The following COL6A3 variants were observed in gnomAD, a reference collection of about 807,000 sequenced individuals.
COL6A3 encodes the protein collagen alpha-3(VI) chain.
A neutral mutation model predicts 274.1 loss-of-function variants in COL6A3; 137 were observed. The observed-to-expected ratio is 0.50, with a 90% CI of 0.44 to 0.58. The LOEUF is 0.58. Ranked by LOEUF, COL6A3 falls within the 20% of genes least tolerant of loss-of-function variation. The probability of loss-of-function intolerance (pLI) is 0.00; values close to 1 mark genes in which losing one functional copy is unlikely to be tolerated. For synonymous variants in COL6A3, 1,650 were observed against 1,650.6 expected, an observed-to-expected ratio of 1.00 and a Z score of 0.01; for missense variants, 3,950 against 4,124.9, an observed-to-expected ratio of 0.96 and a Z score of 1.16.
In COL6A3 at chr2:237,367,128, G is replaced by T. The variant is rs35273032; in HGVS notation, c.5059C>A (p.Pro1687Thr). ...QVGLVQYNSD[P>T]TDEFFLKDFS... Reference sequence around the variant, plus strand: ...TCCTTCAGGAAGAATTCGTCAGTGGGGTCAGAGTTGTACTGGACAAGCCCC... The same window carrying T: ...TCCTTCAGGAAGAATTCGTCAGTGGTGTCAGAGTTGTACTGGACAAGCCCC... The change falls in exon 11 of 44, where the codon CCC becomes ACC. Residue 1687 changes from proline (P) to threonine (T), a missense_variant. Coordinates refer to ENST00000295550, the MANE Select transcript of COL6A3 (RefSeq NM_004369.4). 1 of 1,614,154 alleles carries T rather than the reference G, an allele frequency of 6.2e-7. No homozygotes were observed. The highest frequency in any genetic ancestry group is 8.5e-7 in the Non-Finnish European group (1 of 1,180,042).
intron 1 of COL6A3, among the ~76,000 whole-genome samples, chr2:237,408,027 G>T (rs1371555092): frequency 2.6e-5 from 4 of 152,132 alleles, no homozygotes; most frequent in Non-Finnish European, 5.9e-5. Context: ...CCAAAACTGT[G>T]GTGTTCCACT....
At chr2:237,369,710 T>C (rs1329670101) in intron 9 of COL6A3, among the ~76,000 whole-genome samples, 1 of 152,244 alleles carries the variant, frequency 6.6e-6, no homozygotes, top group Non-Finnish European at 1.5e-5. Context: ...TATAACACAG[T>C]GCCATATCCA....
Position 237,325,688 on chromosome 2 carries a change from C to T in COL6A3, c.9365G>A (p.Arg3122Lys). The change falls in exon 43 of 44, where the codon AGG becomes AAG. Residue 3122 changes from arginine (R) to lysine (K), a missense_variant. By Grantham distance (26) the Arg-to-Lys change is conservative. Coordinates refer to ENST00000295550, the MANE Select transcript of COL6A3 (RefSeq NM_004369.4). ...ATAGTACCATTTTAATATGAAATCC[C>T]TGCAAGTTCCTTCGTCTTTCGGCAA... Reference protein sequence around the residue: ...CKLPKDEGTCRDFILKWYYDP... With the variant: ...CKLPKDEGTCKDFILKWYYDP... 3 of 1,614,074 alleles carry T rather than the reference C, an allele frequency of 1.9e-6. No individual in the cohort carries two copies. The highest frequency in any genetic ancestry group is 2.5e-6 in the Non-Finnish European group (3 of 1,179,986).
intron 1 of COL6A3, among the ~76,000 whole-genome samples, chr2:237,397,741 A>G (rs1411951130): frequency 2.0e-5 from 3 of 152,252 alleles, no homozygotes; most frequent in Non-Finnish European, 4.4e-5. Context: ...ATCTGAAAAT[A>G]TTCTCTTTCT....
At chr2:237,369,550 G>A (rs998565629) in intron 9 of COL6A3, among the ~76,000 whole-genome samples, 2 of 152,170 alleles carry the variant, frequency 1.3e-5, no homozygotes, top group African/African-American at 4.8e-5. Flanking sequence ...AAGGCCACTG[G>A]GATCTATATC....
chr2:237,330,355 G>A (rs763737171), intron 42 of COL6A3, among the ~76,000 whole-genome samples: 8 of 152,190 alleles, frequency 5.3e-5, no homozygotes, highest in Non-Finnish European at 7.3e-5. Flanking sequence ...CCACGGTAAC[G>A]AATGAAAGAT....
At chr2:237,325,436 G>T in intron 43 of COL6A3, 124 bp downstream of exon 43, 1 of 1,113,328 alleles carries the variant, frequency 9.0e-7, no homozygotes, top group Non-Finnish European at 1.4e-6. Flanking sequence ...CCTTATCTGA[G>T]GATACACTTT....
At position 237,340,922 on chromosome 2, in the gene COL6A3, G is replaced by A; in HGVS notation, c.7994C>T (p.Ala2665Val). The change falls in exon 38 of 44, where the codon GCA becomes GTA. Residue 2665 changes from alanine to valine, a missense_variant. Ala to Val is a moderately conservative substitution (Grantham distance 64, BLOSUM62 0). Coordinates refer to ENST00000295550, the MANE Select transcript of COL6A3 (RefSeq NM_004369.4). ...CTCAGAGGGCGCGTGCTGCACAACTGCCACTCTGGCGAAGTGCTGGGAGGC... is the reference window on the plus strand; with the variant it reads ...CTCAGAGGGCGCGTGCTGCACAACTACCACTCTGGCGAAGTGCTGGGAGGC... The part of the protein sequence containing the change: ...PKASQHFARV[A>V]VVQHAPSESV... 6.2e-7 allele frequency: 1 copy of A among 1,613,324 alleles called. No homozygotes were observed. Among genetic ancestry groups the A allele is most frequent in the Non-Finnish European group, 8.5e-7 (1 of 1,179,330 alleles).
intron 4 of COL6A3, 124 bp downstream of exon 4, chr2:237,387,458 G>GT (rs2078171986): frequency 1.1e-5 from 16 of 1,405,448 alleles, no homozygotes; most frequent in Non-Finnish European, 1.4e-5. Context: ...ATCAGGGAAG[G>GT]ACTGGACTGT....
Position 237,344,849 on chromosome 2 carries a change from G to A in COL6A3, c.7175-6C>T, listed in dbSNP as rs199723531. On this transcript the variant is annotated splice_region_variant and splice_polypyrimidine_tract_variant and intron_variant, in intron 35 of 43. Transcript: ENST00000295550. The surrounding 1 kb of genome is among the most constrained non-coding windows in gnomAD (Gnocchi z 4.8). ...GACGGGGCACTCCAGGGGCCCTGTG[G>A]AAAGTAGAGGGTGGAGGGTTAAAGA... The A allele has an allele frequency of 1.6e-5, 26 of 1,613,428 alleles. No individual in the cohort carries two copies. Among genetic ancestry groups the A allele is most frequent in the Non-Finnish European group, 1.9e-5 (23 of 1,180,046 alleles).
At chr2:237,362,682 A>C (rs530007186) in intron 14 of COL6A3, among the ~76,000 whole-genome samples, 17 of 152,288 alleles carry the variant, frequency 1.1e-4, no homozygotes, top group Non-Finnish European at 2.1e-4. Flanking sequence ...CTGAGTTCGC[A>C]GCTCAGCCCC....
chr2:237,378,660 C>T lies in COL6A3; in HGVS notation c.2473G>A (p.Glu825Lys). 1.2e-6 allele frequency: 2 copies of T among 1,612,928 alleles called. No homozygotes were observed. The highest frequency in any genetic ancestry group is 2.2e-5 in the South Asian group (2 of 91,018). ...CCTGGCTGAGCGAGTGGTACTTCCT[C>T]CACACCTCCACTAACATATGTGGTT... ...PLTTYVSGGV[E>K]EVPLAQPESK... Residue 825 changes from glutamate (E) to lysine (K), a missense_variant, in exon 6 of 44, where the codon GAG (glutamate) becomes AAG (lysine). Glu to Lys is a moderately conservative substitution (Grantham distance 56). Coordinates refer to ENST00000295550, the MANE Select transcript of COL6A3 (RefSeq NM_004369.4).
intron 6 of COL6A3, 91 bp from the exon 7 acceptor site, chr2:237,377,435 T>C (rs2077879291): frequency 3.2e-6 from 4 of 1,251,514 alleles, no homozygotes; most frequent in Non-Finnish European, 4.6e-6. Context: ...ACAACAGGAG[T>C]TGGTGAAACT....
At chr2:237,360,393 G>A (rs780974554) in intron 16 of COL6A3, among the ~76,000 whole-genome samples, 27 of 152,112 alleles carry the variant, frequency 1.8e-4, no homozygotes, top group Non-Finnish European at 3.4e-4. Context: ...GGGTAGCAGC[G>A]CAGACAGCAC....
Position 237,353,393 on chromosome 2 carries a change from C to T in COL6A3, c.6638G>A (p.Gly2213Asp). ...RGPPGAKGNK[G>D]GPGQPGFEGE... ...CTCAAAGCCCGGCTGGCCAGGACCGCCCTTGTTGCCCTTTGAAATAAGAGA... is the reference window on the plus strand; with the variant it reads ...CTCAAAGCCCGGCTGGCCAGGACCGTCCTTGTTGCCCTTTGAAATAAGAGA... Residue 2213 changes from glycine (G) to aspartate (D), a missense_variant, in exon 25 of 44, where the codon GGC becomes GAC. This residue lies in a region of COL6A3 where 1,284 missense variants were observed against 1,349.7 expected (regional missense o/e 0.95). Coordinates refer to ENST00000295550, the MANE Select transcript of COL6A3 (RefSeq NM_004369.4). The T allele has an allele frequency of 6.2e-7, 1 of 1,614,108 alleles. No homozygotes were observed. The highest frequency in any genetic ancestry group is 8.5e-7 in the Non-Finnish European group (1 of 1,180,012).
chr2:237,392,609 A>G lies in COL6A3; in HGVS notation c.709+1978T>C, dbSNP rs1398033185. Among the ~76,000 whole-genome samples, 3 of 152,206 alleles carry G rather than the reference A, an allele frequency of 2.0e-5. No homozygotes were observed. The East Asian group carries it at 5.8e-4, about 29-fold the overall frequency. Reference sequence around the variant, plus strand: ...AATCTGTTCATAAATCTTGCTTCCTATGATCAGTTCCCCTATGCCATGTGG... The same window carrying G: ...AATCTGTTCATAAATCTTGCTTCCTGTGATCAGTTCCCCTATGCCATGTGG... On this transcript the variant is annotated intron_variant, in intron 3 of 43. Transcript: ENST00000295550.
In COL6A3 at chr2:237,332,115, A is replaced by ATGTGTG. The variant is rs61011958; in HGVS notation, c.9328+1334_9328+1335insCACACA. 7.3e-4 allele frequency among the ~76,000 whole-genome samples: 76 copies of ATGTGTG among 103,586 alleles called. 2 individuals are homozygous for ATGTGTG. The highest frequency in any genetic ancestry group is 2.5e-3 in the African/African-American group (74 of 29,408). 68.0% of individuals were successfully genotyped at this position (103,586 alleles called of 152,430 possible). On this transcript the variant is annotated intron_variant, in intron 42 of 43. Transcript: ENST00000295550. ...TATATATATATATATATATATATAT[A>ATGTGTG]TATGAAAAGAAAAACAAAACAGCCC...
chr2:237,335,160 C>T (rs990457662), intron 40 of COL6A3, among the ~76,000 whole-genome samples: 1 of 152,054 alleles, frequency 6.6e-6, no homozygotes, highest in African/African-American at 2.4e-5. Flanking sequence ...TAAGAAGATA[C>T]TTTGGAAATG....
rs1440789687 is a variant in COL6A3 at position 237,346,572 on chromosome 2, G to A, written c.7030-7C>T. ...CTGGAGGTCCCGAATTTCCCTAGAG[G>A]GAGCAGAACAAACATTGTTCAACTG... On this transcript the variant is annotated splice_polypyrimidine_tract_variant and splice_region_variant and intron_variant, in intron 31 of 43. Coordinates refer to ENST00000295550, the MANE Select transcript of COL6A3 (RefSeq NM_004369.4). 1.2e-6 allele frequency: 2 copies of A among 1,612,840 alleles called. No individual in the cohort carries two copies. The highest frequency in any genetic ancestry group is 1.1e-5 in the South Asian group (1 of 91,030).
Sources: allele counts gnomAD v4.1 joint callset (sites outside exome capture counted in the v4.1 genomes callset), GRCh38; gene constraint gnomAD v4.1.1; regional missense constraint gnomAD v4.1.1; non-coding constraint Gnocchi (gnomAD v3.1); transcripts MANE v1.5; gene names NCBI Gene and HGNC (gene_info 2026-07-23, HGNC 2026-07-21).